The following JAZF1 variants were observed in gnomAD, a reference collection of about 807,000 sequenced individuals.
JAZF1 encodes the protein juxtaposed with another zinc finger protein 1.
JAZF1 carries 8 observed loss-of-function variants against 26.4 expected under a neutral mutation model. The observed-to-expected ratio is 0.30, with a 90% CI of 0.18 to 0.55. The LOEUF (loss-of-function observed/expected upper bound fraction) is 0.55, where lower values mean the gene tolerates loss of function less well. Among genes scored for constraint, JAZF1 ranks in the 20% least tolerant of loss-of-function variants. JAZF1 has a pLI of 0.94. For missense variants in JAZF1, 199 were observed against 322.0 expected (o/e 0.62, Z 2.92); for synonymous variants, 126 against 122.3 (o/e 1.03, Z -0.20).
At chr7:27,949,676 T>C (rs1583476551) in intron 2 of JAZF1, among the ~76,000 whole-genome samples, 1 of 152,162 alleles carries the variant, frequency 6.6e-6, no homozygotes, top group Non-Finnish European at 1.5e-5. Flanking sequence ...GGCATAAGAA[T>C]TGCTTGAACC....
chr7:28,014,367 T>TCATCA (rs1782847268), intron 1 of JAZF1, among the ~76,000 whole-genome samples: 1 of 152,214 alleles, frequency 6.6e-6, no homozygotes, highest in Non-Finnish European at 1.5e-5. Flanking sequence ...TCTTATGGGT[T>TCATCA]GATATGGTTT....
At chr7:28,087,225 T>G (rs1476012179) in intron 1 of JAZF1, among the ~76,000 whole-genome samples, 1 of 152,132 alleles carries the variant, frequency 6.6e-6, no homozygotes, top group East Asian at 1.9e-4. Flanking sequence ...GGTGGATTCA[T>G]GTTGATGACA....
At chr7:28,149,836 G>A (rs1004111876) in intron 1 of JAZF1, among the ~76,000 whole-genome samples, 6 of 152,172 alleles carry the variant, frequency 3.9e-5, no homozygotes, top group Middle Eastern at 3.4e-3. Context: ...TCTTCCCTAC[G>A]TTTTCTTCCC....
At chr7:27,897,024 C>T (rs908116321) in intron 2 of JAZF1, among the ~76,000 whole-genome samples, 21 of 152,222 alleles carry the variant, frequency 1.4e-4, no homozygotes, top group African/African-American at 4.6e-4. Flanking sequence ...TCTTTCCCTC[C>T]GCCTCATAAA....
chr7:27,875,722 T>A (rs907718013), intron 3 of JAZF1, among the ~76,000 whole-genome samples: 12 of 152,224 alleles, frequency 7.9e-5, no homozygotes, highest in Non-Finnish European at 1.8e-4. Context: ...AATCTTACCA[T>A]CTGTCTCCCC....
chr7:27,836,663 G>A (rs1380577685), intron 4 of JAZF1, among the ~76,000 whole-genome samples: 1 of 152,186 alleles, frequency 6.6e-6, no homozygotes, highest in South Asian at 2.1e-4. Context: ...GGTAATGGTG[G>A]GGGTTAAAAG....
At chr7:28,050,213 G>A (rs140729305) in intron 1 of JAZF1, among the ~76,000 whole-genome samples, 163 of 152,248 alleles carry the variant, frequency 1.1e-3, no homozygotes, top group African/African-American at 3.7e-3. Flanking sequence ...AAAATTACAA[G>A]GGTTTTAGGA....
At chr7:27,845,443 A>G (rs1261248906) in intron 3 of JAZF1, among the ~76,000 whole-genome samples, 3 of 152,212 alleles carry the variant, frequency 2.0e-5, no homozygotes, top group Non-Finnish European at 4.4e-5. Context: ...TCACGCCTGT[A>G]ATCCCAGCAC....
chr7:28,044,590 A>C (rs1316539953), intron 1 of JAZF1, among the ~76,000 whole-genome samples: 1 of 152,150 alleles, frequency 6.6e-6, no homozygotes, highest in Admixed American at 6.6e-5. Context: ...TGGGAGTTAC[A>C]AAGAAAGCTA....
At chr7:27,996,247 G>C (rs1444933500) in intron 1 of JAZF1, among the ~76,000 whole-genome samples, 2 of 152,196 alleles carry the variant, frequency 1.3e-5, no homozygotes, top group African/African-American at 2.4e-5. Flanking sequence ...TCAGAAACCA[G>C]CCGCACAATG....
rs61200785 is a variant in JAZF1, at chr7:28,170,337, A to ATGTGTGTGTGTGTGTGTGTGTGTGTG, written c.115+10100_115+10125dup. ...AATCTGAAGTAAAAGAGAAGTTGATATGTGTGTGTGTGTGTGTGTGTGTGT... is the reference window on the plus strand; with the variant it reads ...AATCTGAAGTAAAAGAGAAGTTGATATGTGTGTGTGTGTGTGTGTGTGTGTGTGTGTGTGTGTGTGTGTGTGTGTGT... On this transcript the variant is annotated intron_variant, in intron 1 of 4. Coordinates refer to ENST00000283928, the MANE Select transcript of JAZF1 (RefSeq NM_175061.4). Among the ~76,000 whole-genome samples, 35 of 98,462 alleles carry ATGTGTGTGTGTGTGTGTGTGTGTGTG rather than the reference A, an allele frequency of 3.6e-4. 1 individual carries two copies. The highest frequency in any genetic ancestry group is 7.3e-4 in the Non-Finnish European group (31 of 42,210). 64.6% of individuals were successfully genotyped at this position (98,462 alleles called of 152,430 possible).
At chr7:28,123,609 G>A (rs1782639539) in intron 1 of JAZF1, among the ~76,000 whole-genome samples, 1 of 152,194 alleles carries the variant, frequency 6.6e-6, no homozygotes, top group African/African-American at 2.4e-5. Flanking sequence ...TTGTGTGCTG[G>A]CCACAAAGCC....
intron 2 of JAZF1, among the ~76,000 whole-genome samples, chr7:27,909,027 A>ATTCATTCATTCATT (rs10690251): frequency 6.6e-6 from 1 of 151,932 alleles, no homozygotes; most frequent in Admixed American, 6.6e-5. Context: ...TCATTCATTC[A>ATTCATTCATTCATT]GAGGCAGAAT....
chr7:28,167,360 T>C (rs886338945), intron 1 of JAZF1, among the ~76,000 whole-genome samples: 43 of 152,168 alleles, frequency 2.8e-4, no homozygotes, highest in African/African-American at 9.9e-4. Context: ...CAAAACACTG[T>C]GATATGTGCA....
rs138573577 is a variant in JAZF1 at position 27,835,032 on chromosome 7, T to C, written c.556-2056A>G. Among the ~76,000 whole-genome samples, 448 of 152,290 alleles carry C rather than the reference T, an allele frequency of 2.9e-3. 5 individuals carry two copies. The highest frequency in any genetic ancestry group is 9.5e-3 in the African/African-American group (393 of 41,564). On this transcript the variant is annotated intron_variant, in intron 4 of 4. Transcript: ENST00000283928. ...TATCCCATGTATAGCTCAACGAATA[T>C]TGAGCACCTAGCAGGGTCCTTTTCC... is the stretch of plus-strand genomic sequence containing the variant.
chr7:28,006,252 C>G (rs1782698026), intron 1 of JAZF1, among the ~76,000 whole-genome samples: 1 of 152,026 alleles, frequency 6.6e-6, no homozygotes, highest in Non-Finnish European at 1.5e-5. Flanking sequence ...TCCTGTAGTC[C>G]CAGCTACTCA....
intron 2 of JAZF1, among the ~76,000 whole-genome samples, chr7:27,937,890 G>A (rs1276067933): frequency 6.6e-6 from 1 of 152,202 alleles, no homozygotes; most frequent in African/African-American, 2.4e-5. Flanking sequence ...AACAGCCACT[G>A]TCAGTTATTG....
At chr7:27,905,878 C>T (rs1207690995) in intron 2 of JAZF1, among the ~76,000 whole-genome samples, 1 of 152,062 alleles carries the variant, frequency 6.6e-6, no homozygotes, top group East Asian at 1.9e-4. Flanking sequence ...TAGGAAAAAT[C>T]TACTTAAACT....
At chr7:28,063,402 C>A (rs1019161777) in intron 1 of JAZF1, among the ~76,000 whole-genome samples, 1 of 152,104 alleles carries the variant, frequency 6.6e-6, no homozygotes, top group Non-Finnish European at 1.5e-5. Flanking sequence ...GAGGCATCCT[C>A]ACTTCTGCGA....
Sources: gnomAD v4.1 joint callset for allele counts (sites outside exome capture counted in the v4.1 genomes callset) on GRCh38, gnomAD v4.1.1 for gene constraint, MANE v1.5 for transcripts, NCBI Gene and HGNC (gene_info 2026-07-23, HGNC 2026-07-21) for gene names.